Variants in STPG2 observed in about 807,000 individuals in gnomAD.
The protein encoded by STPG2 is sperm-tail PG-rich repeat-containing protein 2.
STPG2 carries 56 observed loss-of-function variants against 54.2 expected under a neutral mutation model. The observed-to-expected ratio is 1.03, with a 90% CI of 0.83 to 1.29. The LOEUF is 1.29. Among genes scored for constraint, STPG2 ranks in the 50% most tolerant of loss-of-function variants. The pLI is 0.00. For missense variants in STPG2, 596 were observed against 544.9 expected, an observed-to-expected ratio of 1.09 and a Z score of -0.93; for synonymous variants, 200 against 181.8, an observed-to-expected ratio of 1.10 and a Z score of -0.81.
In STPG2 at chr4:98,109,333, A is replaced by C. The variant is rs549628545; in HGVS notation, c.388-28T>G. 5.7e-5 allele frequency: 85 copies of C among 1,502,424 alleles called. 1 individual carries two copies. In the South Asian group the frequency reaches 7.7e-4, roughly 14 times the overall value. 93.1% of individuals were successfully genotyped at this position (1,502,424 alleles called of 1,614,324 possible). A position where few individuals can be genotyped will look rare whatever the true frequency, so the allele number is the denominator to read the frequency against. On this transcript the variant is annotated intron_variant, in intron 3 of 10. Transcript: ENST00000295268. The stretch of plus-strand genomic sequence containing the variant: ...AAAAAATAAAAAGTTTTAAAAAGTG[A>C]GGATGAAACATAGTTTAAATAAGTC...
chr4:98,020,912 C>T (rs1004557523), intron 5 of STPG2, among the ~76,000 whole-genome samples: 11 of 151,940 alleles, frequency 7.2e-5, no homozygotes, highest in African/African-American at 2.4e-4. Flanking sequence ...TCTCTCTTTT[C>T]TTCTTTATTA....
chr4:97,487,193 C>G (rs1273883645), intron 4 of STPG2, among the ~76,000 whole-genome samples: 1 of 149,904 alleles, frequency 6.7e-6, no homozygotes, highest in Non-Finnish European at 1.5e-5. Flanking sequence ...ACCCCAATAA[C>G]CTATGGAAAA....
intron 10 of STPG2, among the ~76,000 whole-genome samples, chr4:97,591,852 T>C (rs150646604): frequency 1.2e-3 from 177 of 152,332 alleles, no homozygotes; most frequent in Admixed American, 1.8e-3. Flanking sequence ...GAGTAGAATT[T>C]GTTGCGATTC....
chr4:98,065,059 C>T (rs1056639926), intron 5 of STPG2, among the ~76,000 whole-genome samples: 1 of 151,968 alleles, frequency 6.6e-6, no homozygotes, highest in African/African-American at 2.4e-5. Context: ...GCCACTAAGA[C>T]CAGCTAATTT....
intron 3 of STPG2, among the ~76,000 whole-genome samples, chr4:98,110,087 ATT>A (rs1330731101): frequency 1.3e-5 from 2 of 152,140 alleles, no homozygotes; most frequent in Non-Finnish European, 2.9e-5. Flanking sequence ...AGCTAATGGT[ATT>A]TACTATAATT....
At chr4:97,859,036 T>C (rs1194282183) in intron 8 of STPG2, among the ~76,000 whole-genome samples, 1 of 152,240 alleles carries the variant, frequency 6.6e-6, no homozygotes, top group Non-Finnish European at 1.5e-5. Flanking sequence ...TGTTTCCTTT[T>C]CACCACATCC....
chr4:97,456,092 A>G (rs537536752), intron 4 of STPG2, among the ~76,000 whole-genome samples: 1 of 152,366 alleles, frequency 6.6e-6, no homozygotes, highest in South Asian at 2.1e-4. Flanking sequence ...CAAGAAAATA[A>G]GAAGACTAGC....
At chr4:97,944,269 A>G (rs924055687) in intron 7 of STPG2, among the ~76,000 whole-genome samples, 1 of 152,092 alleles carries the variant, frequency 6.6e-6, no homozygotes, top group Non-Finnish European at 1.5e-5. Flanking sequence ...TAAACATATT[A>G]GCTATGTTCT....
intron 10 of STPG2, among the ~76,000 whole-genome samples, chr4:97,701,367 A>G (rs531747928): frequency 6.6e-6 from 1 of 152,288 alleles, no homozygotes; most frequent in African/African-American, 2.4e-5. Context: ...CTTTAACTGG[A>G]GGACCACGAT....
downstream of STPG2, chr4:97,558,857 T>C (rs569882677): frequency 5.6e-6 from 3 of 535,548 alleles, no homozygotes; most frequent in East Asian, 1.0e-4. Context: ...TAATACAATA[T>C]GACTTTTTAA....
intron 7 of STPG2, among the ~76,000 whole-genome samples, chr4:97,949,844 TA>T (rs1378617916): frequency 6.6e-6 from 1 of 151,784 alleles, no homozygotes; most frequent in African/African-American, 2.4e-5. Flanking sequence ...TTTAAATAGC[TA>T]GATGACTATA....
chr4:97,794,675 C>A (rs1727109576), intron 9 of STPG2, among the ~76,000 whole-genome samples: 1 of 151,952 alleles, frequency 6.6e-6, no homozygotes, highest in Non-Finnish European at 1.5e-5. Context: ...TAACAATTAT[C>A]CTATATTTAA....
At chr4:98,083,751 C>A (rs36047842) in intron 5 of STPG2, among the ~76,000 whole-genome samples, 60,210 of 152,028 alleles carry the variant, frequency 0.4, 12,162 homozygotes, top group Middle Eastern at 0.46. Context: ...TTGACAGATC[C>A]ATAATTTCTA....
chr4:97,972,522 G>T lies in STPG2; in HGVS notation c.773-82C>A, dbSNP rs77565109. 137 of 811,670 alleles carry T rather than the reference G, an allele frequency of 1.7e-4. No individual in the cohort carries two copies. In the East Asian group the frequency reaches 2.2e-3, roughly 13 times the overall value. The allele number at this position is 811,670 out of a possible 1,614,324, so 50.3% of individuals were successfully genotyped here. A position where few individuals can be genotyped will look rare whatever the true frequency, so the allele number is the denominator to read the frequency against. On this transcript the variant is annotated intron_variant, in intron 6 of 10. Transcript: ENST00000295268. ...TGAACTGAGTAATTTTTAATTAAGG[G>T]TTTTTTTCTAAATAAAAAACCCTCA...
chr4:97,907,133 A>C (rs1317691899), intron 8 of STPG2, among the ~76,000 whole-genome samples: 1 of 152,078 alleles, frequency 6.6e-6, no homozygotes, highest in African/African-American at 2.4e-5. Context: ...ATCTCAGCCC[A>C]AAATCTCCTT....
At chr4:97,477,476 GT>G (rs1018809087) in intron 4 of STPG2, among the ~76,000 whole-genome samples, 2,646 of 120,336 alleles carry the variant, frequency 0.022, 34 homozygotes, top group African/African-American at 0.061. Flanking sequence ...TTCCTTTTTT[GT>G]TTTTTTTTTT....
intron 5 of STPG2, among the ~76,000 whole-genome samples, chr4:98,068,188 T>C (rs186927928): frequency 2.9e-4 from 44 of 152,310 alleles, no homozygotes; most frequent in African/African-American, 1.1e-3. Flanking sequence ...GAACACACTT[T>C]CCTTACCTCT....
intron 10 of STPG2, among the ~76,000 whole-genome samples, chr4:97,653,454 TA>T (rs1478568448): frequency 2.0e-5 from 3 of 150,274 alleles, no homozygotes; most frequent in African/African-American, 7.3e-5. Flanking sequence ...GAAAGTAAAA[TA>T]AAATAAAACA....
At chr4:97,493,701 G>T (rs551679394) in intron 4 of STPG2, among the ~76,000 whole-genome samples, 1 of 151,524 alleles carries the variant, frequency 6.6e-6, no homozygotes, top group South Asian at 2.1e-4. Context: ...AGATTCCCAT[G>T]AAAAAGTACA....
Sources: gnomAD v4.1 joint callset for allele counts (sites outside exome capture counted in the v4.1 genomes callset) on GRCh38, gnomAD v4.1.1 for gene constraint, MANE v1.5 for transcripts, NCBI Gene and HGNC (gene_info 2026-07-23, HGNC 2026-07-21) for gene names.